The following SAMSN1 variants were observed in gnomAD, a reference collection of about 807,000 sequenced individuals.
The protein encoded by SAMSN1 is SAM domain-containing protein SAMSN-1.
SAMSN1 carries 31 observed loss-of-function variants against 42.0 expected under a neutral mutation model. The ratio of observed to expected loss-of-function variants is 0.74; its 90% CI spans 0.55 to 1.00. The LOEUF is 1.00. Among genes scored for constraint, SAMSN1 ranks in the 50% least tolerant of loss-of-function variants. The pLI is 0.00. For missense variants in SAMSN1, 464 were observed against 439.4 expected (o/e 1.06, Z -0.50); for synonymous variants, 178 against 151.9 (o/e 1.17, Z -1.26).
chr21:14,556,120 C>A lies in SAMSN1; in HGVS notation c.261+26016G>T, dbSNP rs559695687. Among the ~76,000 whole-genome samples the A allele has an allele frequency of 1.1e-4, 16 of 152,224 alleles. No homozygotes were observed. The East Asian group carries it at 2.9e-3, about 28-fold the overall frequency. On this transcript the variant is annotated intron_variant, in intron 2 of 8. Transcript: ENST00000285670. The stretch of plus-strand genomic sequence containing the variant: ...AAACGCTATTCTTAAACAGGAAGAA[C>A]AAGATCATTTCTATTTCCTTTCTAT...
chr21:14,620,512 T>C (rs989017130), intron 2 of SAMSN1, among the ~76,000 whole-genome samples: 1 of 152,236 alleles, frequency 6.6e-6, no homozygotes, highest in African/African-American at 2.4e-5. Context: ...TGCCCAGTTC[T>C]GGATATTTCT....
intron 5 of SAMSN1, 67 bp downstream of exon 5, chr21:14,510,243 G>A (rs1401319700): frequency 6.7e-7 from 1 of 1,489,868 alleles, no homozygotes; most frequent in African/African-American, 1.4e-5. Flanking sequence ...GCTTATACTT[G>A]CTGAAACAGA....
chr21:14,574,248 C>T (rs767165484), intron 2 of SAMSN1, among the ~76,000 whole-genome samples: 10 of 152,136 alleles, frequency 6.6e-5, no homozygotes, highest in South Asian at 2.1e-4. Context: ...TCCAGTGAAA[C>T]GTATTCCAAC....
chr21:14,505,887 T>A (rs1175931662), intron 5 of SAMSN1, among the ~76,000 whole-genome samples: 1 of 152,122 alleles, frequency 6.6e-6, no homozygotes, highest in East Asian at 1.9e-4. Flanking sequence ...AAATTGAAAT[T>A]ATATCAAGCA....
Position 14,500,821 on chromosome 21 carries a change from G to A in SAMSN1, c.562-86C>T, listed in dbSNP as rs181649769. 137 of 1,038,476 alleles carry A rather than the reference G, an allele frequency of 1.3e-4. No homozygotes were observed. The African/African-American group carries it at 2.0e-3, about 15-fold the overall frequency. 64.3% of individuals were successfully genotyped at this position (1,038,476 alleles called of 1,614,324 possible). ...AAATCATAGAAAACTAGAATAATGAGGACATTATGCTAAAGGGGTTCAGAT... is the reference window on the plus strand; with the variant it reads ...AAATCATAGAAAACTAGAATAATGAAGACATTATGCTAAAGGGGTTCAGAT... On this transcript the variant is annotated intron_variant, in intron 5 of 7. Transcript: ENST00000400566.
intron 1 of SAMSN1, among the ~76,000 whole-genome samples, chr21:14,656,989 A>G (rs561771146): frequency 6.6e-6 from 1 of 151,792 alleles, no homozygotes; most frequent in Admixed American, 6.6e-5. Context: ...AGTGTCCCAT[A>G]TGTTCACATT....
chr21:14,534,354 G>C (rs1329773798), intron 1 of SAMSN1, among the ~76,000 whole-genome samples: 1 of 152,048 alleles, frequency 6.6e-6, no homozygotes, highest in Non-Finnish European at 1.5e-5. Flanking sequence ...AAAAATCCCA[G>C]GGATGCAAAT....
chr21:14,560,281 T>C (rs891472390), intron 2 of SAMSN1, among the ~76,000 whole-genome samples: 1 of 152,160 alleles, frequency 6.6e-6, no homozygotes, highest in African/African-American at 2.4e-5. Context: ...GAGTATATGA[T>C]ATTAGAGACA....
chr21:14,522,125 G>A (rs572597691), intron 1 of SAMSN1, among the ~76,000 whole-genome samples: 74 of 152,240 alleles, frequency 4.9e-4, no homozygotes, highest in Admixed American at 5.9e-4. Context: ...CTGGTTTTGA[G>A]AAAAAGCTCA....
intron 2 of SAMSN1, among the ~76,000 whole-genome samples, chr21:14,557,562 C>T (rs1171114489): frequency 6.6e-6 from 1 of 152,178 alleles, no homozygotes; most frequent in Non-Finnish European, 1.5e-5. Flanking sequence ...CTTGCTGTCA[C>T]ATGCTCTAAT....
At chr21:14,640,311 T>C (rs563329764) in intron 2 of SAMSN1, among the ~76,000 whole-genome samples, 1 of 152,220 alleles carries the variant, frequency 6.6e-6, no homozygotes, top group Admixed American at 6.5e-5. Flanking sequence ...AATAGTTGTA[T>C]TGTCAGTTTG....
intron 2 of SAMSN1, among the ~76,000 whole-genome samples, chr21:14,518,325 C>T (rs906391526): frequency 2.0e-5 from 3 of 152,234 alleles, no homozygotes; most frequent in African/African-American, 7.2e-5. Flanking sequence ...CACTATGATG[C>T]ATGCTCCATG....
At chr21:14,626,191 G>A (rs972291123) in intron 2 of SAMSN1, among the ~76,000 whole-genome samples, 1 of 152,140 alleles carries the variant, frequency 6.6e-6, no homozygotes, top group Non-Finnish European at 1.5e-5. Context: ...AGAAAACCTA[G>A]GCATTACCAT....
intron 2 of SAMSN1, among the ~76,000 whole-genome samples, chr21:14,552,764 G>T (rs1046900346): frequency 2.6e-5 from 4 of 152,026 alleles, no homozygotes; most frequent in African/African-American, 9.7e-5. Context: ...TCGAGTTGGA[G>T]GTTTAGCTCT....
intron 6 of SAMSN1, among the ~76,000 whole-genome samples, chr21:14,597,668 A>G (rs2123290215): frequency 6.6e-6 from 1 of 152,314 alleles, no homozygotes; most frequent in African/African-American, 2.4e-5. Flanking sequence ...GGCTTAAACA[A>G]GTATGGGGCT....
At chr21:14,597,365 T>C (rs1176526449) in intron 6 of SAMSN1, among the ~76,000 whole-genome samples, 1 of 152,198 alleles carries the variant, frequency 6.6e-6, no homozygotes. Flanking sequence ...ACAGTTTTAA[T>C]TCTGTACATA....
intron 7 of SAMSN1, among the ~76,000 whole-genome samples, chr21:14,488,132 G>A (rs919839626): frequency 6.6e-6 from 1 of 152,000 alleles, no homozygotes; most frequent in Admixed American, 6.6e-5. Flanking sequence ...TTATCCAAGT[G>A]TTTCTAGAAA....
chr21:14,491,367 C>T (rs987739990), intron 7 of SAMSN1, among the ~76,000 whole-genome samples: 1 of 151,978 alleles, frequency 6.6e-6, no homozygotes, highest in African/African-American at 2.4e-5. Flanking sequence ...CTCAGCCTCC[C>T]AGAGTGGTGG....
chr21:14,649,187 C>G (rs1405000213), intron 1 of SAMSN1, among the ~76,000 whole-genome samples: 1 of 149,032 alleles, frequency 6.7e-6, no homozygotes, highest in Non-Finnish European at 1.5e-5. Flanking sequence ...AAACCCAACA[C>G]AGCATATTCT....
Sources: allele counts gnomAD v4.1 joint callset (sites outside exome capture counted in the v4.1 genomes callset), GRCh38; gene constraint gnomAD v4.1.1; transcripts MANE v1.5; gene names NCBI Gene and HGNC (gene_info 2026-07-23, HGNC 2026-07-21).